DLGAP2: variants seen among roughly 807,000 people sequenced by gnomAD.
DLGAP2 encodes DLG associated protein 2.
In DLGAP2, 26 loss-of-function variants were observed where a neutral mutation model predicts 100.3. The ratio of observed to expected loss-of-function variants is 0.26; its 90% CI spans 0.19 to 0.36. The LOEUF (loss-of-function observed/expected upper bound fraction) is 0.36, where lower values mean the gene tolerates loss of function less well. Ranked by LOEUF, DLGAP2 falls within the 10% of genes least tolerant of loss-of-function variation. The probability of loss-of-function intolerance (pLI) is 1.00; values close to 1 mark genes in which losing one functional copy is unlikely to be tolerated. For missense variants in DLGAP2, 1,858 were observed against 1,453.2 expected (o/e 1.28, Z -4.53); for synonymous variants, 886 against 630.1 (o/e 1.41, Z -6.08).
At chr8:775,326 T>C (rs1473627084) in intron 1 of DLGAP2, among the ~76,000 whole-genome samples, 7 of 151,890 alleles carry the variant, frequency 4.6e-5, no homozygotes, top group Non-Finnish European at 7.4e-5. Flanking sequence ...CTTTTCCTAA[T>C]TGAATACCCT....
chr8:1,154,779 C>T (rs748722882), intron 2 of DLGAP2, among the ~76,000 whole-genome samples: 10 of 152,110 alleles, frequency 6.6e-5, no homozygotes, highest in Non-Finnish European at 1.0e-4. Flanking sequence ...TATAGTCCTG[C>T]CGTCCATCCC....
chr8:889,405 G>C (rs1584865318), intron 1 of DLGAP2, among the ~76,000 whole-genome samples: 1 of 152,182 alleles, frequency 6.6e-6, no homozygotes, highest in East Asian at 1.9e-4. Flanking sequence ...GAGAGGCTAA[G>C]TCTGCTGGTC....
At chr8:1,369,008 G>T (rs573400870) in intron 3 of DLGAP2, 1 of 152,296 alleles carries the variant, frequency 6.6e-6, no homozygotes, top group East Asian at 1.9e-4. Context: ...GTGACGCCCG[G>T]TGCCCGGAGT....
At chr8:1,275,117 T>G (rs1163865608) in intron 3 of DLGAP2, among the ~76,000 whole-genome samples, 5 of 152,186 alleles carry the variant, frequency 3.3e-5, no homozygotes, top group Non-Finnish European at 7.3e-5. Flanking sequence ...TTTCGAGCAC[T>G]GGCTCAATGT....
chr8:1,678,192 T>G, intron 11 of DLGAP2, 22 bp from the exon 12 acceptor site: 1 of 1,585,194 alleles, frequency 6.3e-7, no homozygotes, highest in Non-Finnish European at 8.6e-7. Context: ...CTACCATCTG[T>G]CTTCCTTCCC....
intron 3 of DLGAP2, among the ~76,000 whole-genome samples, chr8:1,494,089 C>T (rs1799474436): frequency 6.6e-6 from 1 of 152,186 alleles, no homozygotes; most frequent in South Asian, 2.1e-4. Flanking sequence ...AAACACTCTG[C>T]AGGGCAGGAA....
chr8:1,209,334 C>A (rs571588579), intron 2 of DLGAP2, among the ~76,000 whole-genome samples: 1 of 152,092 alleles, frequency 6.6e-6, no homozygotes, highest in Admixed American at 6.6e-5. Flanking sequence ...ATAGAGGACC[C>A]AGAAATAGAG....
chr8:1,300,666 C>G (rs1800313615), intron 3 of DLGAP2: 1 of 152,366 alleles, frequency 6.6e-6, no homozygotes, highest in South Asian at 2.1e-4. Context: ...GACATCTAAG[C>G]TGCAGCTTCC....
intron 3 of DLGAP2, among the ~76,000 whole-genome samples, chr8:1,289,221 A>G (rs563614076): frequency 5.9e-5 from 9 of 152,354 alleles, no homozygotes; most frequent in African/African-American, 1.9e-4. Flanking sequence ...ATCAAAAACC[A>G]TTTAAAGATT....
chr8:810,143 C>G (rs1294025865), intron 1 of DLGAP2, among the ~76,000 whole-genome samples: 4 of 152,236 alleles, frequency 2.6e-5, no homozygotes, highest in Non-Finnish European at 5.9e-5. Flanking sequence ...CCTCCTCACC[C>G]TCCTCTCTCT....
At chr8:766,644 T>C (rs1821223322) in intron 1 of DLGAP2, among the ~76,000 whole-genome samples, 1 of 152,182 alleles carries the variant, frequency 6.6e-6, no homozygotes, top group Non-Finnish European at 1.5e-5. Flanking sequence ...AGTGATCATG[T>C]CCGTTGACCA....
chr8:1,302,792 C>T (rs1169529428), intron 3 of DLGAP2, among the ~76,000 whole-genome samples: 1 of 152,272 alleles, frequency 6.6e-6, no homozygotes, highest in Non-Finnish European at 1.5e-5. Flanking sequence ...TTGCCCAGAG[C>T]TTGGCTCTTC....
At chr8:1,341,812 G>T (rs1321320196) in intron 3 of DLGAP2, among the ~76,000 whole-genome samples, 2 of 152,202 alleles carry the variant, frequency 1.3e-5, no homozygotes, top group Admixed American at 1.3e-4. Context: ...CCATCTGCAG[G>T]CCCTGGCACA....
At chr8:1,491,077 C>CAAAAAAAAAAAAAAAAAAAAAAAAACA (rs386411871) in intron 3 of DLGAP2, among the ~76,000 whole-genome samples, 1 of 64,516 alleles carries the variant, frequency 1.6e-5, no homozygotes, top group African/African-American at 4.3e-5. Context: ...AACTGGAAAC[C>CAAAAAAAAAAAAAAAAAAAAAAAAACA]AAAAAAAAAA....
At chr8:789,062 C>T (rs1456443696) in intron 1 of DLGAP2, among the ~76,000 whole-genome samples, 11 of 152,280 alleles carry the variant, frequency 7.2e-5, no homozygotes, top group South Asian at 4.1e-4. Context: ...TGTTGAGTTT[C>T]GAGAGTTCTT....
At chr8:1,049,783 C>T (rs1367498711) in intron 2 of DLGAP2, among the ~76,000 whole-genome samples, 4 of 152,104 alleles carry the variant, frequency 2.6e-5, no homozygotes, top group African/African-American at 4.8e-5. Flanking sequence ...GGCACATGCA[C>T]ACATGAGTGC....
intron 12 of DLGAP2, among the ~76,000 whole-genome samples, chr8:1,682,965 T>C (rs537750440): frequency 6.6e-6 from 1 of 151,666 alleles, no homozygotes; most frequent in South Asian, 2.1e-4. Context: ...GCCATCAGGA[T>C]CCTCCTCTGG....
At chr8:1,520,862 T>C (rs941416225) in intron 4 of DLGAP2, among the ~76,000 whole-genome samples, 1 of 152,218 alleles carries the variant, frequency 6.6e-6, no homozygotes, top group African/African-American at 2.4e-5. Context: ...TGAGCTTCTT[T>C]GGGTGAATAC....
intron 2 of DLGAP2, among the ~76,000 whole-genome samples, chr8:1,253,136 C>T (rs1317019283): frequency 3.3e-5 from 5 of 152,232 alleles, no homozygotes; most frequent in Non-Finnish European, 7.3e-5. Context: ...TCTTTGCATT[C>T]ATGGCTGGGT....
Sources: gnomAD v4.1 joint callset for allele counts (sites outside exome capture counted in the v4.1 genomes callset) on GRCh38, gnomAD v4.1.1 for gene constraint, MANE v1.5 for transcripts, NCBI Gene and HGNC (gene_info 2026-07-23, HGNC 2026-07-21) for gene names.